The following ENTREP2 variants were observed in gnomAD, a reference collection of about 807,000 sequenced individuals.
ENTREP2 encodes endosomal transmembrane epsin interactor 2, also known as protein ENTREP2.
the ENTREP2 span, among the ~76,000 whole-genome samples, chr15:29,531,735 G>A: frequency 2.6e-5 from 4 of 152,154 alleles, no homozygotes; most frequent in Non-Finnish European, 4.4e-5. Flanking sequence ...GCGCAATCTC[G>A]GCTCACTGCA....
At chr15:29,416,447 C>T in the ENTREP2 span, among the ~76,000 whole-genome samples, 1 of 152,122 alleles carries the variant, frequency 6.6e-6, no homozygotes, top group African/African-American at 2.4e-5. Flanking sequence ...TAGTCATATG[C>T]AGAAAGCTGA....
the ENTREP2 span, among the ~76,000 whole-genome samples, chr15:29,283,629 A>G: frequency 1.3e-5 from 2 of 152,290 alleles, no homozygotes; most frequent in East Asian, 1.9e-4. Flanking sequence ...AGCACAGCAA[A>G]CTCATGTGCC....
At chr15:29,444,230 GAA>G in the ENTREP2 span, among the ~76,000 whole-genome samples, 45 of 147,402 alleles carry the variant, frequency 3.1e-4, no homozygotes, top group African/African-American at 1.0e-3. Context: ...AAGAAAGAAA[GAA>G]AGAAAGAAAG....
the ENTREP2 span, among the ~76,000 whole-genome samples, chr15:29,566,399 C>A: frequency 1.3e-5 from 2 of 151,964 alleles, no homozygotes; most frequent in Non-Finnish European, 2.9e-5. Context: ...CTCCTGACCT[C>A]GTGATCCACC....
the ENTREP2 span, among the ~76,000 whole-genome samples, chr15:29,379,282 GC>G: frequency 6.6e-6 from 1 of 152,156 alleles, no homozygotes; most frequent in Non-Finnish European, 1.5e-5. Flanking sequence ...AGGTCCCTGA[GC>G]CCCTCTGTGA....
At chr15:29,433,197 C>T in the ENTREP2 span, among the ~76,000 whole-genome samples, 3 of 152,198 alleles carry the variant, frequency 2.0e-5, no homozygotes, top group African/African-American at 7.2e-5. Flanking sequence ...CACAGCATCA[C>T]AGGTGGGTGA....
At chr15:29,119,036 G>GACTT in the ENTREP2 span, among the ~76,000 whole-genome samples, 13 of 152,156 alleles carry the variant, frequency 8.5e-5, no homozygotes, top group South Asian at 8.3e-4. Flanking sequence ...GTAAGGAGAA[G>GACTT]ACTTACTCTC....
At chr15:29,351,259 C>T in the ENTREP2 span, among the ~76,000 whole-genome samples, 2 of 152,210 alleles carry the variant, frequency 1.3e-5, no homozygotes, top group Admixed American at 6.5e-5. Context: ...ATTTGTGTAT[C>T]TAAGCATATC....
At chr15:29,493,932 A>C in the ENTREP2 span, among the ~76,000 whole-genome samples, 1 of 152,130 alleles carries the variant, frequency 6.6e-6, no homozygotes, top group Non-Finnish European at 1.5e-5. Flanking sequence ...AGCCAAGATC[A>C]CACCACTGTA....
At chr15:29,398,958 G>A in the ENTREP2 span, among the ~76,000 whole-genome samples, 2 of 152,180 alleles carry the variant, frequency 1.3e-5, no homozygotes, top group African/African-American at 2.4e-5. Flanking sequence ...AAGTTCTCTT[G>A]GGTGTGCCTG....
the ENTREP2 span, among the ~76,000 whole-genome samples, chr15:29,434,210 T>G: frequency 6.6e-6 from 1 of 152,228 alleles, no homozygotes; most frequent in East Asian, 1.9e-4. Context: ...GCTTCCCTGA[T>G]TGCAGAATTC....
chr15:29,624,168 T>C, the ENTREP2 span, among the ~76,000 whole-genome samples: 1 of 152,358 alleles, frequency 6.6e-6, no homozygotes, highest in Admixed American at 6.5e-5. Flanking sequence ...TGTGTCTTCT[T>C]AGTCTATATC....
At chr15:29,229,880 G>A in the ENTREP2 span, among the ~76,000 whole-genome samples, 1 of 151,858 alleles carries the variant, frequency 6.6e-6, no homozygotes, top group Non-Finnish European at 1.5e-5. Context: ...AGACCACTTT[G>A]GTGACTTCCA....
At chr15:29,202,324 C>T in the ENTREP2 span, among the ~76,000 whole-genome samples, 3 of 151,888 alleles carry the variant, frequency 2.0e-5, no homozygotes, top group South Asian at 6.2e-4. Context: ...TTATGCTGCT[C>T]TTTATCTAGT....
chr15:29,548,301 C>CA, the ENTREP2 span, among the ~76,000 whole-genome samples: 1 of 151,696 alleles, frequency 6.6e-6, no homozygotes, highest in Non-Finnish European at 1.5e-5. Context: ...TAAAAAACTA[C>CA]AAAAAATTAG....
the ENTREP2 span, among the ~76,000 whole-genome samples, chr15:29,245,515 T>C: frequency 6.6e-6 from 1 of 151,768 alleles, no homozygotes. Context: ...AAGAATGCCA[T>C]TCAAAAAGTC....
At chr15:29,634,288 C>T in the ENTREP2 span, among the ~76,000 whole-genome samples, 13 of 152,098 alleles carry the variant, frequency 8.5e-5, no homozygotes, top group Non-Finnish European at 1.8e-4. Context: ...AACTGTCACC[C>T]TTTGGTGCTG....
At chr15:29,134,736 C>A in the ENTREP2 span, among the ~76,000 whole-genome samples, 1 of 152,178 alleles carries the variant, frequency 6.6e-6, no homozygotes, top group Non-Finnish European at 1.5e-5. Flanking sequence ...GCTCCTCCAC[C>A]CACAGAAGCT....
At chr15:29,250,001 G>C in the ENTREP2 span, among the ~76,000 whole-genome samples, 1 of 152,096 alleles carries the variant, frequency 6.6e-6, no homozygotes, top group Admixed American at 6.5e-5. Flanking sequence ...CGAGGGAATG[G>C]TGCTAACCAC....
Sources: allele counts gnomAD v4.1 joint callset (sites outside exome capture counted in the v4.1 genomes callset), GRCh38; gene constraint gnomAD v4.1.1; transcripts MANE v1.5; gene names NCBI Gene and HGNC (gene_info 2026-07-23, HGNC 2026-07-21).